The following SERTM1 variants were observed in gnomAD, a reference collection of about 807,000 sequenced individuals.
SERTM1 encodes the protein serine rich and transmembrane domain containing 1.
SERTM1 carries 1 observed loss-of-function variant against 5.5 expected under a neutral mutation model. The observed-to-expected ratio is 0.18, with a 90% CI of 0.06 to 0.86. SERTM1 has a LOEUF of 0.86. SERTM1 is among the 40% of genes least tolerant of loss of function. The probability of loss-of-function intolerance (pLI) is 0.69; values close to 1 mark genes in which losing one functional copy is unlikely to be tolerated. For synonymous variants in SERTM1, 52 were observed against 55.1 expected (o/e 0.94, Z 0.25); for missense variants, 91 against 122.4 (o/e 0.74, Z 1.21).
chr13:36,678,695 A>ATATATATATATATAT (rs1395603891), intron 1 of SERTM1, among the ~76,000 whole-genome samples: 24 of 147,468 alleles, frequency 1.6e-4, no homozygotes, highest in South Asian at 2.1e-4. Flanking sequence ...ATATATATAT[A>ATATATATATATATAT]AAATATAGTC....
chr13:36,694,945 A>G lies in SERTM1; in HGVS notation c.-134A>G. ...TGATACCTGCTGCCTTTGAGAAACA[A>G]GTTTTGTTGTGCTGATTTAACAGCC... On this transcript the variant is annotated 5_prime_UTR_variant, in exon 2 of 2. Coordinates refer to ENST00000315190, the MANE Select transcript of SERTM1 (RefSeq NM_203451.3). 1 of 655,542 alleles carries G rather than the reference A, an allele frequency of 1.5e-6. No individual in the cohort carries two copies. Among genetic ancestry groups the G allele is most frequent in the Non-Finnish European group, 2.6e-6 (1 of 378,292 alleles). The allele number at this position is 655,542 out of a possible 1,614,324, so 40.6% of individuals were successfully genotyped here.
At position 36,695,005 on chromosome 13, in the gene SERTM1, C is replaced by A. The variant is rs1239791870; in HGVS notation, c.-74C>A. 2 of 1,064,398 alleles carry A rather than the reference C, an allele frequency of 1.9e-6. No homozygotes were observed. Among genetic ancestry groups the A allele is most frequent in the African/African-American group, 1.6e-5 (1 of 62,708 alleles). The allele number at this position is 1,064,398 out of a possible 1,614,324, so 65.9% of individuals were successfully genotyped here. Reference sequence around the variant, plus strand: ...TGCAAACACGATCGTGAAAAAATGCCAATCTGTCCTGTGTAAGCCCTGTGT... The same window carrying A: ...TGCAAACACGATCGTGAAAAAATGCAAATCTGTCCTGTGTAAGCCCTGTGT... On this transcript the variant is annotated 5_prime_UTR_variant, in exon 2 of 2. Coordinates refer to ENST00000315190, the MANE Select transcript of SERTM1 (RefSeq NM_203451.3).
intron 1 of SERTM1, among the ~76,000 whole-genome samples, chr13:36,689,574 A>G (rs1211861189): frequency 1.3e-5 from 2 of 149,774 alleles, no homozygotes; most frequent in Non-Finnish European, 3.0e-5. Flanking sequence ...AAACAAAGCT[A>G]AATAAATGCA....
chr13:36,679,302 C>T (rs1394905763), intron 1 of SERTM1, among the ~76,000 whole-genome samples: 1 of 152,222 alleles, frequency 6.6e-6, no homozygotes, highest in Admixed American at 6.5e-5. Context: ...AGACTGAAAG[C>T]CTGCTGTTTG....
Position 36,697,024 on chromosome 13 carries a change from GTCT to G in SERTM1, c.*1633_*1635del, listed in dbSNP as rs373194681. The G allele has an allele frequency of 5.4e-5, 9 of 166,986 alleles. No individual in the cohort carries two copies. Among genetic ancestry groups the G allele is most frequent in the Admixed American group, 6.6e-5 (1 of 15,258 alleles). The allele number at this position is 166,986 out of a possible 1,614,324, so 10.3% of individuals were successfully genotyped here. A position where few individuals can be genotyped will look rare whatever the true frequency, so the allele number is the denominator to read the frequency against. On this transcript the variant is annotated 3_prime_UTR_variant, in exon 2 of 2. Transcript: ENST00000315190. ...GGAGGTCTGGGAATGAAAATCAGAA[GTCT>G]TCTTCTTCTTTTAATTCATAAGCCT...
At position 36,694,920 on chromosome 13, in the gene SERTM1, T is replaced by TGATA; in HGVS notation, c.-158_-155dup. On this transcript the variant is annotated 5_prime_UTR_variant, in exon 2 of 2. Transcript: ENST00000315190. Reference sequence around the variant, plus strand: ...TTTTTTTTCAGTCTCAATGCACATCTGATACCTGCTGCCTTTGAGAAACAA... The same window carrying TGATA: ...TTTTTTTTCAGTCTCAATGCACATCTGATAGATACCTGCTGCCTTTGAGAAACAA... 4 of 601,100 alleles carry TGATA rather than the reference T, an allele frequency of 6.7e-6. No homozygotes were observed. The highest frequency in any genetic ancestry group is 1.2e-5 in the Non-Finnish European group (4 of 339,914). The allele number at this position is 601,100 out of a possible 1,614,324, so 37.2% of individuals were successfully genotyped here. A position where few individuals can be genotyped will look rare whatever the true frequency, so the allele number is the denominator to read the frequency against.
chr13:36,687,308 G>A (rs1335573733), intron 1 of SERTM1, among the ~76,000 whole-genome samples: 1 of 152,018 alleles, frequency 6.6e-6, no homozygotes, highest in African/African-American at 2.4e-5. Flanking sequence ...CCATTTTTAG[G>A]GAATAGGATA....
At chr13:36,694,787 A>G in intron 1 of SERTM1, 119 bp from the exon 2 acceptor site, 1 of 396,996 alleles carries the variant, frequency 2.5e-6, no homozygotes, top group Non-Finnish European at 4.5e-6. Flanking sequence ...TAGGGGAGTT[A>G]TATCATCTTG....
rs115910476 is a variant in SERTM1, at chr13:36,676,847, G to A, written c.-174+2663G>A. On this transcript the variant is annotated intron_variant, in intron 1 of 1. Coordinates refer to ENST00000315190, the MANE Select transcript of SERTM1 (RefSeq NM_203451.3). ...GGCTTTAAATTAGTTAATGGAATAG[G>A]GAAGCCAACAAGGAAGAAGTTCAAG... Among the ~76,000 whole-genome samples the A allele has an allele frequency of 2.3e-3, 355 of 152,220 alleles. 3 individuals are homozygous for A. Among genetic ancestry groups the A allele is most frequent in the African/African-American group, 8.2e-3 (339 of 41,532 alleles).
intron 1 of SERTM1, among the ~76,000 whole-genome samples, chr13:36,683,328 C>A (rs1001744753): frequency 6.6e-6 from 1 of 152,186 alleles, no homozygotes; most frequent in Non-Finnish European, 1.5e-5. Context: ...TTCTTTCTCA[C>A]CAGTGCCAAA....
At chr13:36,693,196 TACTTGAA>T (rs1199044547) in intron 1 of SERTM1, among the ~76,000 whole-genome samples, 1 of 152,216 alleles carries the variant, frequency 6.6e-6, no homozygotes, top group Non-Finnish European at 1.5e-5. Context: ...TAGGAGGTTG[TACTTGAA>T]CATTTTAAAT....
chr13:36,685,711 A>C (rs2056736576), intron 1 of SERTM1, among the ~76,000 whole-genome samples: 1 of 152,198 alleles, frequency 6.6e-6, no homozygotes, highest in Non-Finnish European at 1.5e-5. Flanking sequence ...ACCCAAACCA[A>C]GGTGATTAAG....
intron 1 of SERTM1, among the ~76,000 whole-genome samples, chr13:36,685,193 C>A: frequency 6.6e-6 from 1 of 152,220 alleles, no homozygotes; most frequent in East Asian, 1.9e-4. Flanking sequence ...TCTTTATTAA[C>A]CAGACTTTTG....
chr13:36,689,203 T>C (rs1197903036), intron 1 of SERTM1, among the ~76,000 whole-genome samples: 3 of 152,084 alleles, frequency 2.0e-5, no homozygotes, highest in Non-Finnish European at 2.9e-5. Flanking sequence ...TACTAAAAAA[T>C]TTATTAAGAA....
intron 1 of SERTM1, among the ~76,000 whole-genome samples, chr13:36,674,749 G>A (rs1194492175): frequency 6.6e-6 from 1 of 152,166 alleles, no homozygotes; most frequent in African/African-American, 2.4e-5. Flanking sequence ...CTTTGCACCT[G>A]CTAAGGCGCT....
Position 36,695,469 on chromosome 13 carries a change from G to A in SERTM1, c.*67G>A. 2.6e-6 allele frequency: 3 copies of A among 1,144,672 alleles called. No individual in the cohort carries two copies. Among genetic ancestry groups the A allele is most frequent in the South Asian group, 1.4e-5 (1 of 69,604 alleles). The allele number at this position is 1,144,672 out of a possible 1,614,324, so 70.9% of individuals were successfully genotyped here. A position where few individuals can be genotyped will look rare whatever the true frequency, so the allele number is the denominator to read the frequency against. ...TCCCCTTACGGAAGTGTCCCGTGAGGCATTGCCTCATGAAAGAAATGATCC... is the reference window on the plus strand; with the variant it reads ...TCCCCTTACGGAAGTGTCCCGTGAGACATTGCCTCATGAAAGAAATGATCC... On this transcript the variant is annotated 3_prime_UTR_variant, in exon 2 of 2. Coordinates refer to ENST00000315190, the MANE Select transcript of SERTM1 (RefSeq NM_203451.3).
chr13:36,680,693 G>T (rs1373867203), intron 1 of SERTM1, among the ~76,000 whole-genome samples: 3 of 152,076 alleles, frequency 2.0e-5, no homozygotes, highest in Non-Finnish European at 4.4e-5. Context: ...TGTTGTTATT[G>T]CTGCTTGTGT....
intron 1 of SERTM1, among the ~76,000 whole-genome samples, chr13:36,682,254 A>G (rs948490970): frequency 6.6e-6 from 1 of 152,200 alleles, no homozygotes; most frequent in African/African-American, 2.4e-5. Context: ...ACAAATGCTG[A>G]TTGATCATCC....
At chr13:36,687,393 T>A (rs17054332) in intron 1 of SERTM1, among the ~76,000 whole-genome samples, 3 of 152,144 alleles carry the variant, frequency 2.0e-5, no homozygotes, top group African/African-American at 7.2e-5. Context: ...TAGTGACCTG[T>A]GTAATTATTT....
Sources: allele counts gnomAD v4.1 joint callset (sites outside exome capture counted in the v4.1 genomes callset), GRCh38; gene constraint gnomAD v4.1.1; transcripts MANE v1.5; gene names NCBI Gene and HGNC (gene_info 2026-07-23, HGNC 2026-07-21).